Variants in ZMAT3 observed in about 807,000 individuals in gnomAD.
ZMAT3 encodes zinc finger matrin-type protein 3.
ZMAT3 carries 17 observed loss-of-function variants against 32.3 expected under a neutral mutation model. That is an observed-to-expected ratio of 0.53 (90% confidence interval 0.36 to 0.79). The LOEUF is 0.79. ZMAT3 is among the 30% of genes least tolerant of loss of function. The pLI, the probability that ZMAT3 is intolerant of heterozygous loss-of-function variation, is 0.00. For synonymous variants in ZMAT3, 120 were observed against 133.1 expected, an observed-to-expected ratio of 0.90 and a Z score of 0.68; for missense variants, 329 against 359.7, an observed-to-expected ratio of 0.91 and a Z score of 0.69.
chr3:179,049,266 T>G (rs969629952), intron 2 of ZMAT3, among the ~76,000 whole-genome samples: 2 of 152,226 alleles, frequency 1.3e-5, no homozygotes, highest in Non-Finnish European at 2.9e-5. Context: ...GACAGGTCTT[T>G]AAGACAGAAA....
chr3:179,039,420 G>A (rs886719415), intron 2 of ZMAT3, among the ~76,000 whole-genome samples: 20 of 152,200 alleles, frequency 1.3e-4, no homozygotes, highest in South Asian at 2.1e-4. Context: ...TGCAGCCTCC[G>A]CTGGTGATAC....
chr3:179,041,969 G>A (rs150155766), intron 2 of ZMAT3, among the ~76,000 whole-genome samples: 364 of 152,096 alleles, frequency 2.4e-3, no homozygotes, highest in South Asian at 0.011. Flanking sequence ...CTACGCAAAC[G>A]AACTAGAAAA....
intron 2 of ZMAT3, among the ~76,000 whole-genome samples, chr3:179,033,892 G>C (rs1719436402): frequency 6.6e-6 from 1 of 152,204 alleles, no homozygotes; most frequent in South Asian, 2.1e-4. Flanking sequence ...GGGCTAAATA[G>C]CACAGCCAAA....
intron 2 of ZMAT3, 104 bp from the exon 3 acceptor site, chr3:179,031,103 T>TGA (rs1175210055): frequency 1.2e-5 from 12 of 967,192 alleles, no homozygotes; most frequent in Admixed American, 6.6e-5. Flanking sequence ...TAAGATATTT[T>TGA]GAGAGAGAGA....
rs775592601 is a variant in ZMAT3, at chr3:179,020,655, C to T, written c.*4362G>A. ...ATGCCTCACCAAGTTCTTTAAAGGG[C>T]ATTTCCAACCTTAGTTCTGACAATG... On this transcript the variant is annotated 3_prime_UTR_variant, in exon 6 of 6. Transcript: ENST00000311417. 7.2e-5 allele frequency: 11 copies of T among 152,204 alleles called. No homozygotes were observed. The highest frequency in any genetic ancestry group is 1.3e-4 in the Admixed American group (2 of 15,262). The allele number at this position is 152,204 out of a possible 1,614,324, so 9.4% of individuals were successfully genotyped here.
intron 1 of ZMAT3, among the ~76,000 whole-genome samples, chr3:179,068,675 G>T (rs1426691125): frequency 6.6e-6 from 1 of 152,174 alleles, no homozygotes; most frequent in Admixed American, 6.5e-5. Flanking sequence ...AAGTATGACA[G>T]AAATAAATAA....
Position 179,019,584 on chromosome 3 carries a change from T to TCC in ZMAT3, c.*5432_*5433insGG, listed in dbSNP as rs1157677648. 6.6e-6 allele frequency: 1 copy of TCC among 152,176 alleles called. No homozygotes were observed. Among genetic ancestry groups the TCC allele is most frequent in the Non-Finnish European group, 1.5e-5 (1 of 68,012 alleles). 9.4% of individuals were successfully genotyped at this position (152,176 alleles called of 1,614,324 possible). A position where few individuals can be genotyped will look rare whatever the true frequency, so the allele number is the denominator to read the frequency against. On this transcript the variant is annotated 3_prime_UTR_variant, in exon 6 of 6. Transcript: ENST00000311417. ...AACTTTGATATATGTCTGAAAATTT[T>TCC]CTTGAGAAAATGTTGAGGAACATGT...
chr3:179,064,009 C>T (rs1721277659), intron 2 of ZMAT3, among the ~76,000 whole-genome samples: 1 of 152,186 alleles, frequency 6.6e-6, no homozygotes, highest in Non-Finnish European at 1.5e-5. Flanking sequence ...TGCTAGTGAG[C>T]TTAAAGGGAA....
chr3:179,054,889 A>G (rs1720755204), intron 2 of ZMAT3, among the ~76,000 whole-genome samples: 3 of 152,146 alleles, frequency 2.0e-5, no homozygotes, highest in Non-Finnish European at 4.4e-5. Context: ...GGTTCATCCT[A>G]ATTGAGCTGA....
intron 2 of ZMAT3, among the ~76,000 whole-genome samples, chr3:179,064,697 C>T (rs1721317442): frequency 6.6e-6 from 1 of 152,194 alleles, no homozygotes; most frequent in African/African-American, 2.4e-5. Flanking sequence ...TCCCAAAGTG[C>T]TAGAATTACA....
intron 2 of ZMAT3, among the ~76,000 whole-genome samples, chr3:179,059,061 G>T (rs180878629): frequency 1.3e-5 from 2 of 152,242 alleles, no homozygotes; most frequent in Non-Finnish European, 2.9e-5. Context: ...ATTGTTATTG[G>T]CTGTACAGAA....
At chr3:179,070,580 T>G (rs1339944753) in intron 1 of ZMAT3, among the ~76,000 whole-genome samples, 1 of 152,230 alleles carries the variant, frequency 6.6e-6, no homozygotes, top group East Asian at 1.9e-4. Context: ...AAGTCTTCAG[T>G]GAATGCATGA....
At chr3:179,033,915 C>G (rs1021479547) in intron 2 of ZMAT3, among the ~76,000 whole-genome samples, 10 of 152,190 alleles carry the variant, frequency 6.6e-5, no homozygotes, top group African/African-American at 2.4e-4. Context: ...CTGAGACAGG[C>G]CTTCCAAATC....
intron 2 of ZMAT3, among the ~76,000 whole-genome samples, chr3:179,040,115 C>G (rs1560089507): frequency 6.6e-6 from 1 of 152,120 alleles, no homozygotes; most frequent in Non-Finnish European, 1.5e-5. Context: ...ATTGGTGTAC[C>G]TGAAAGTGAT....
At chr3:179,035,818 C>T (rs1400479737) in intron 2 of ZMAT3, among the ~76,000 whole-genome samples, 1 of 152,150 alleles carries the variant, frequency 6.6e-6, no homozygotes, top group Non-Finnish European at 1.5e-5. Flanking sequence ...CTTACTCCTG[C>T]CTGAATGTAT....
At chr3:179,060,801 G>A (rs1222051897) in intron 2 of ZMAT3, among the ~76,000 whole-genome samples, 1 of 151,942 alleles carries the variant, frequency 6.6e-6, no homozygotes, top group Non-Finnish European at 1.5e-5. Flanking sequence ...GGATAAAAGG[G>A]AGAGCCTAAA....
At chr3:179,055,008 A>G (rs890311730) in intron 2 of ZMAT3, among the ~76,000 whole-genome samples, 2 of 152,178 alleles carry the variant, frequency 1.3e-5, no homozygotes, top group Non-Finnish European at 2.9e-5. Context: ...CCGTGAGGCC[A>G]AGAACCCCAG....
In ZMAT3 at chr3:179,018,557, T is replaced by C. The variant is rs1360899439; in HGVS notation, c.*6460A>G. 6.6e-6 allele frequency: 1 copy of C among 152,106 alleles called. No individual in the cohort carries two copies. The highest frequency in any genetic ancestry group is 1.5e-5 in the Non-Finnish European group (1 of 67,996). 9.4% of individuals were successfully genotyped at this position (152,106 alleles called of 1,614,324 possible). A position where few individuals can be genotyped will look rare whatever the true frequency, so the allele number is the denominator to read the frequency against. ...ATTTTATCAAACACACACAAGAATA[T>C]GAATCTGGAACATTTCAATTCTGAT... On this transcript the variant is annotated 3_prime_UTR_variant, in exon 6 of 6. Transcript: ENST00000311417.
chr3:179,029,447 T>G (rs1719061674), intron 3 of ZMAT3, among the ~76,000 whole-genome samples: 1 of 152,176 alleles, frequency 6.6e-6, no homozygotes, highest in African/African-American at 2.4e-5. Flanking sequence ...AATACTTTCA[T>G]GGAATTTTTT....
Sources: allele counts gnomAD v4.1 joint callset (sites outside exome capture counted in the v4.1 genomes callset), GRCh38; gene constraint gnomAD v4.1.1; transcripts MANE v1.5; gene names NCBI Gene and HGNC (gene_info 2026-07-23, HGNC 2026-07-21).